Variants in ALDH1L1 observed in about 807,000 individuals in gnomAD.
The protein encoded by ALDH1L1 is cytosolic 10-formyltetrahydrofolate dehydrogenase.
A neutral mutation model predicts 101.1 loss-of-function variants in ALDH1L1; 68 were observed. That is an observed-to-expected ratio of 0.67 (90% confidence interval 0.55 to 0.82). The LOEUF is 0.82. ALDH1L1 is among the 40% of genes least tolerant of loss of function. ALDH1L1 has a pLI of 0.00. For missense variants in ALDH1L1, 1,087 were observed against 1,172.7 expected (o/e 0.93, Z 1.07); for synonymous variants, 486 against 470.8 (o/e 1.03, Z -0.42).
intron 1 of ALDH1L1, among the ~76,000 whole-genome samples, chr3:126,175,080 G>T (rs555598999): frequency 2.0e-5 from 3 of 151,980 alleles, no homozygotes; most frequent in Non-Finnish European, 4.4e-5. Flanking sequence ...CTGATCCTAC[G>T]GTCATTAAAA....
chr3:126,111,498 C>T (rs1946076753), intron 19 of ALDH1L1, among the ~76,000 whole-genome samples: 1 of 152,264 alleles, frequency 6.6e-6, no homozygotes, highest in African/African-American at 2.4e-5. Context: ...CCAGCCTAGA[C>T]TGCCACTGCT....
intron 14 of ALDH1L1, among the ~76,000 whole-genome samples, chr3:126,126,585 A>AC (rs4646738): frequency 0.43 from 65,039 of 151,832 alleles, 14,326 homozygotes; most frequent in Middle Eastern, 0.5. Flanking sequence ...GCTGCCCCAC[A>AC]CCCCACACAC....
chr3:126,150,307 A>G (rs925370798), intron 8 of ALDH1L1, 99 bp downstream of exon 8: 21 of 1,468,696 alleles, frequency 1.4e-5, no homozygotes, highest in Non-Finnish European at 1.8e-6. Flanking sequence ...ACACCCACAG[A>G]GGGCTGGCGC....
chr3:126,144,090 G>GCAATTAAT (rs2080623268), intron 9 of ALDH1L1, among the ~76,000 whole-genome samples: 1 of 151,814 alleles, frequency 6.6e-6, no homozygotes, highest in Non-Finnish European at 1.5e-5. Context: ...ATCCAAAAAG[G>GCAATTAAT]AAATTAATAA....
intron 1 of ALDH1L1, among the ~76,000 whole-genome samples, chr3:126,194,188 A>C (rs1040181810): frequency 2.7e-4 from 41 of 152,230 alleles, no homozygotes; most frequent in Non-Finnish European, 5.0e-4. Context: ...ATTATGATTG[A>C]TAGCATATAC....
At chr3:126,181,094 A>G, upstream of ALDH1L1, 1 of 1,215,830 alleles carries the variant, frequency 8.2e-7, no homozygotes, top group Non-Finnish European at 1.2e-6. Context: ...CCCAGTGCCT[A>G]CCCGCCTCTC....
At chr3:126,126,404 A>G (rs1468946771) in intron 14 of ALDH1L1, among the ~76,000 whole-genome samples, 1 of 152,198 alleles carries the variant, frequency 6.6e-6, no homozygotes, top group Non-Finnish European at 1.5e-5. Context: ...CTGGACAGTC[A>G]GATGAGGACA....
upstream of ALDH1L1, among the ~76,000 whole-genome samples, chr3:126,183,401 C>T (rs548013267): frequency 6.6e-6 from 1 of 152,274 alleles, no homozygotes; most frequent in African/African-American, 2.4e-5. Flanking sequence ...GACCTCTAGA[C>T]TCCCCCAAAT....
chr3:126,136,498 G>C (rs2080448393), intron 11 of ALDH1L1, among the ~76,000 whole-genome samples: 2 of 152,064 alleles, frequency 1.3e-5, no homozygotes, highest in Non-Finnish European at 2.9e-5. Flanking sequence ...TCTTCCTTGG[G>C]GTAGGAGGAA....
At chr3:126,175,510 A>G (rs963772707) in intron 1 of ALDH1L1, among the ~76,000 whole-genome samples, 8 of 152,198 alleles carry the variant, frequency 5.3e-5, no homozygotes, top group South Asian at 4.1e-4. Flanking sequence ...AGAATTATAC[A>G]TAACCACCAC....
At chr3:126,168,820 G>A (rs562665917) in intron 1 of ALDH1L1, among the ~76,000 whole-genome samples, 2 of 152,062 alleles carry the variant, frequency 1.3e-5, no homozygotes, top group Non-Finnish European at 2.9e-5. Flanking sequence ...GATGTCTAAG[G>A]TTCTTATGTC....
intron 13 of ALDH1L1, among the ~76,000 whole-genome samples, chr3:126,130,982 C>T (rs2080288511): frequency 6.6e-6 from 1 of 152,244 alleles, no homozygotes; most frequent in Non-Finnish European, 1.5e-5. Context: ...TCACAGGGAT[C>T]CCAAGCCCGA....
chr3:126,136,577 C>T (rs2080450074), intron 11 of ALDH1L1, among the ~76,000 whole-genome samples, 187 bp downstream of exon 11: 1 of 152,094 alleles, frequency 6.6e-6, no homozygotes. Context: ...CACCACCCTG[C>T]ACCTCCTCTC....
intron 9 of ALDH1L1, among the ~76,000 whole-genome samples, chr3:126,140,394 A>G (rs557208070): frequency 2.0e-5 from 3 of 152,290 alleles, no homozygotes; most frequent in African/African-American, 7.2e-5. Flanking sequence ...CCTGCCCTAG[A>G]AGAAATGCTG....
chr3:126,137,754 A>G, intron 10 of ALDH1L1, 59 bp downstream of exon 10: 1 of 1,581,226 alleles, frequency 6.3e-7, no homozygotes, highest in Non-Finnish European at 8.6e-7. Context: ...TTATGTAGTC[A>G]TAGATGCAGC....
At chr3:126,146,598 T>C (rs2080688110) in intron 9 of ALDH1L1, among the ~76,000 whole-genome samples, 1 of 152,136 alleles carries the variant, frequency 6.6e-6, no homozygotes, top group African/African-American at 2.4e-5. Flanking sequence ...CTCCTAGAAC[T>C]TCCCCAGAGA....
At chr3:126,178,313 C>T (rs1576502065) in intron 1 of ALDH1L1, among the ~76,000 whole-genome samples, 1 of 127,202 alleles carries the variant, frequency 7.9e-6, no homozygotes, top group South Asian at 2.7e-4. Context: ...CCCAGGAGTT[C>T]AAAGCTGCAG....
intron 1 of ALDH1L1, among the ~76,000 whole-genome samples, chr3:126,194,008 TA>T (rs1333939903): frequency 6.6e-6 from 1 of 152,190 alleles, no homozygotes; most frequent in Non-Finnish European, 1.5e-5. Flanking sequence ...ATGAGTCTCC[TA>T]AAAGACACCA....
intron 1 of ALDH1L1, among the ~76,000 whole-genome samples, chr3:126,174,015 TCAA>T (rs1282385960): frequency 6.6e-6 from 1 of 152,202 alleles, no homozygotes; most frequent in African/African-American, 2.4e-5. Context: ...GTTGGAGACA[TCAA>T]CACCTCTCTG....
Sources: gnomAD v4.1 joint callset for allele counts (sites outside exome capture counted in the v4.1 genomes callset) on GRCh38, gnomAD v4.1.1 for gene constraint, MANE v1.5 for transcripts, NCBI Gene and HGNC (gene_info 2026-07-23, HGNC 2026-07-21) for gene names.